The following LDAF1 variants were observed in gnomAD, a reference collection of about 807,000 sequenced individuals.
LDAF1 encodes the protein PROMETHIN.
LDAF1 carries 7 observed loss-of-function variants against 13.5 expected under a neutral mutation model. That is an observed-to-expected ratio of 0.52 (90% confidence interval 0.29 to 0.97). The LOEUF (loss-of-function observed/expected upper bound fraction) is 0.97. Among genes scored for constraint, LDAF1 ranks in the 50% least tolerant of loss-of-function variants. The pLI is 0.07. For missense variants in LDAF1, 148 were observed against 193.2 expected (o/e 0.77, Z 1.39); for synonymous variants, 69 against 77.1 (o/e 0.89, Z 0.55).
At chr16:21,169,846 AC>A (rs760211145) in intron 2 of LDAF1, among the ~76,000 whole-genome samples, 5 of 150,748 alleles carry the variant, frequency 3.3e-5, no homozygotes, top group Non-Finnish European at 7.4e-5. Context: ...CAGACTTGCC[AC>A]CTCTCCACAG....
At chr16:21,159,918 C>T (rs940959399) in intron 1 of LDAF1, 6 of 985,180 alleles carry the variant, frequency 6.1e-6, no homozygotes, top group South Asian at 9.4e-5. Context: ...TCAAGACCTA[C>T]GCCAGAGGCA....
At chr16:21,174,973 G>A (rs1441218979) in intron 4 of LDAF1, among the ~76,000 whole-genome samples, 1 of 152,134 alleles carries the variant, frequency 6.6e-6, no homozygotes, top group Non-Finnish European at 1.5e-5. Flanking sequence ...CCTACAATAT[G>A]GCTCTTCAAT....
chr16:21,161,152 C>T lies in LDAF1; in HGVS notation c.-31C>T, dbSNP rs140785191. The T allele has an allele frequency of 3.1e-6, 5 of 1,609,600 alleles. No individual in the cohort carries two copies. In the East Asian group the frequency reaches 8.9e-5, roughly 29 times the overall value. On this transcript the variant is annotated 5_prime_UTR_variant, in exon 2 of 5. Transcript: ENST00000233047. ...TGGAGAATTTACTGGTAGGATAATT[C>T]ATCCCTAAAGAGATTGAAGTGAGCT...
intron 2 of LDAF1, among the ~76,000 whole-genome samples, chr16:21,167,064 G>A (rs542769734): frequency 6.6e-6 from 1 of 152,324 alleles, no homozygotes; most frequent in East Asian, 1.9e-4. Flanking sequence ...GCCATGCCTC[G>A]AGAGTAATCC....
rs1250141542 is a variant in LDAF1 at position 21,179,643 on chromosome 16, G to A, written c.*87G>A. 1.1e-5 allele frequency: 13 copies of A among 1,227,754 alleles called. No individual in the cohort carries two copies. The highest frequency in any genetic ancestry group is 1.5e-5 in the Non-Finnish European group (13 of 861,948). The allele number at this position is 1,227,754 out of a possible 1,614,324, so 76.1% of individuals were successfully genotyped here. ...TTATGGCTTAGAAGAAGGGGGCTGG[G>A]TAGGCAAGCACTCCTTGGCTGTGTC... On this transcript the variant is annotated 3_prime_UTR_variant, in exon 5 of 5. Transcript: ENST00000233047.
chr16:21,162,736 G>C (rs946375432), intron 2 of LDAF1, among the ~76,000 whole-genome samples: 1 of 152,224 alleles, frequency 6.6e-6, no homozygotes, highest in Non-Finnish European at 1.5e-5. Context: ...TGGACAAGCA[G>C]CTTTCTCGCC....
intron 2 of LDAF1, among the ~76,000 whole-genome samples, chr16:21,169,527 T>C (rs2093065186): frequency 6.6e-6 from 1 of 152,132 alleles, no homozygotes; most frequent in Admixed American, 6.5e-5. Flanking sequence ...CAGGCTGGTC[T>C]CAAACTCCTG....
In LDAF1 at chr16:21,161,399, C is replaced by G. The variant is rs1363215503; in HGVS notation, c.96+121C>G. ...GGAGGTAAGTCAAGAATCTTTCTGG[C>G]TTACCGCCCTGCCATGTCTATGCTG... On this transcript the variant is annotated intron_variant, in intron 2 of 4. Transcript: ENST00000233047. 2.4e-5 allele frequency: 29 copies of G among 1,209,458 alleles called. No homozygotes were observed. The East Asian group carries it at 7.2e-4, about 30-fold the overall frequency. The allele number at this position is 1,209,458 out of a possible 1,614,324, so 74.9% of individuals were successfully genotyped here. A position where few individuals can be genotyped will look rare whatever the true frequency, so the allele number is the denominator to read the frequency against.
chr16:21,159,734 G>A (rs1238584011), intron 1 of LDAF1, among the ~76,000 whole-genome samples: 1 of 152,180 alleles, frequency 6.6e-6, no homozygotes, highest in African/African-American at 2.4e-5. Context: ...AGACGCATTT[G>A]AAGGCTGTGG....
intron 4 of LDAF1, chr16:21,178,897 A>T (rs1358591347): frequency 6.5e-6 from 1 of 153,744 alleles, no homozygotes; most frequent in Non-Finnish European, 1.4e-5. Flanking sequence ...TTTGCCTTCC[A>T]CCATGATTGT....
At chr16:21,168,753 ATT>A (rs571161056) in intron 2 of LDAF1, among the ~76,000 whole-genome samples, 1,364 of 132,910 alleles carry the variant, frequency 0.01, 10 homozygotes, top group Non-Finnish European at 0.017. Context: ...TATTTTATAT[ATT>A]ATAATTATAA....
chr16:21,165,607 A>G (rs1383937711), intron 2 of LDAF1: 2 of 983,544 alleles, frequency 2.0e-6, no homozygotes, highest in Non-Finnish European at 1.2e-6. Context: ...TGACCACAGT[A>G]TATCTTGCCT....
At chr16:21,171,764 A>C (rs1331992035) in intron 3 of LDAF1, among the ~76,000 whole-genome samples, 1 of 151,646 alleles carries the variant, frequency 6.6e-6, no homozygotes, top group South Asian at 2.1e-4. Flanking sequence ...TCTAGATGGA[A>C]TCTTACTCTG....
intron 2 of LDAF1, among the ~76,000 whole-genome samples, chr16:21,169,827 T>C (rs1166612600): frequency 6.6e-6 from 1 of 151,870 alleles, no homozygotes; most frequent in Non-Finnish European, 1.5e-5. Flanking sequence ...TGACCTTGGG[T>C]GGGGACCTCA....
chr16:21,168,372 G>GTGAT, intron 2 of LDAF1, among the ~76,000 whole-genome samples: 1 of 152,074 alleles, frequency 6.6e-6, no homozygotes, highest in East Asian at 1.9e-4. Context: ...CTCTAGACAA[G>GTGAT]TGATTAGCTT....
At position 21,170,547 on chromosome 16, in the gene LDAF1, C is replaced by T. The variant is rs1246717160; in HGVS notation, c.207C>T (p.Phe69=). The change falls in exon 3 of 5, where the codon TTC becomes TTT. Residue 69 remains phenylalanine, a synonymous_variant. Coordinates refer to ENST00000233047, the MANE Select transcript of LDAF1 (RefSeq NM_001301771.2). ...IVMSAVPVGF[F]LLIVVLTTLA... is the part of the protein sequence containing the mutation. ...TGTCGGCCGTTCCTGTTGGATTCTTCCTGCTCATCGTGGTGCTTACCACCC... is the reference window on the plus strand; with the variant it reads ...TGTCGGCCGTTCCTGTTGGATTCTTTCTGCTCATCGTGGTGCTTACCACCC... 2.5e-6 allele frequency: 4 copies of T among 1,614,214 alleles called. 1 individual carries two copies. Among genetic ancestry groups the T allele is most frequent in the Non-Finnish European group, 3.4e-6 (4 of 1,180,040 alleles).
rs916053068 is a variant in LDAF1 at position 21,174,779 on chromosome 16, C to T, written c.404+631C>T. ...TGTCAAATTAGGTGGTTTTCTTTGG[C>T]GGGGTGGGGCAGAGAGGCACAGGAG... On this transcript the variant is annotated intron_variant, in intron 4 of 4. Coordinates refer to ENST00000233047, the MANE Select transcript of LDAF1 (RefSeq NM_001301771.2). Among the ~76,000 whole-genome samples, 19 of 151,914 alleles carry T rather than the reference C, an allele frequency of 1.3e-4. No homozygotes were observed. The East Asian group carries it at 1.7e-3, about 14-fold the overall frequency.
intron 3 of LDAF1, among the ~76,000 whole-genome samples, chr16:21,172,432 G>C (rs1490858752): frequency 6.6e-6 from 1 of 152,064 alleles, no homozygotes; most frequent in South Asian, 2.1e-4. Context: ...GGTGATAAGA[G>C]TGAGACTCTG....
chr16:21,170,626 C>A (rs757391475), intron 3 of LDAF1, 21 bp downstream of exon 3: 42 of 1,613,082 alleles, frequency 2.6e-5, no homozygotes, highest in Middle Eastern at 3.3e-4. Flanking sequence ...CCGTCATTCA[C>A]CCCTTTAGAA....
Sources: allele counts gnomAD v4.1 joint callset (sites outside exome capture counted in the v4.1 genomes callset), GRCh38; gene constraint gnomAD v4.1.1; transcripts MANE v1.5; gene names NCBI Gene and HGNC (gene_info 2026-07-23, HGNC 2026-07-21).